The following PBX1 variants were observed in gnomAD, a reference collection of about 807,000 sequenced individuals.
PBX1 encodes the protein pre-B-cell leukemia transcription factor 1.
In PBX1, 6 loss-of-function variants were observed where a neutral mutation model predicts 53.4. That is an observed-to-expected ratio of 0.11 (90% CI 0.06 to 0.22). The LOEUF is 0.22. Among genes scored for constraint, PBX1 ranks in the 10% least tolerant of loss-of-function variants. PBX1 has a pLI of 1.00. For missense variants in PBX1, 251 were observed against 551.4 expected (o/e 0.46, Z 5.46); for synonymous variants, 204 against 212.3 (o/e 0.96, Z 0.34).
At chr1:164,736,644 C>G (rs535119904) in intron 2 of PBX1, among the ~76,000 whole-genome samples, 2 of 152,006 alleles carry the variant, frequency 1.3e-5, no homozygotes, top group East Asian at 3.9e-4. Context: ...AGGAAATGCA[C>G]CAAAAGTCAG....
chr1:164,618,452 C>T (rs2800782), intron 2 of PBX1, among the ~76,000 whole-genome samples: 116,001 of 152,046 alleles, frequency 0.76, 44,312 homozygotes, highest in East Asian at 0.93. Flanking sequence ...TTTAATTTTG[C>T]ACAGCTCCAG....
intron 2 of PBX1, among the ~76,000 whole-genome samples, chr1:164,787,976 C>T (rs941572212): frequency 8.0e-4 from 122 of 152,146 alleles, no homozygotes; most frequent in African/African-American, 2.6e-3. Context: ...TGGACGCGTC[C>T]GGGCCTGCCT....
chr1:164,643,806 C>T (rs977682666), intron 2 of PBX1, among the ~76,000 whole-genome samples: 2 of 152,100 alleles, frequency 1.3e-5, no homozygotes, highest in African/African-American at 4.8e-5. Flanking sequence ...AATTATGTAA[C>T]CAGTAAGTGG....
At chr1:164,787,073 G>A (rs572892790) in intron 2 of PBX1, among the ~76,000 whole-genome samples, 1 of 152,234 alleles carries the variant, frequency 6.6e-6, no homozygotes, top group African/African-American at 2.4e-5. Context: ...TGGGAATGAG[G>A]CGGGGAGAGC....
chr1:164,667,805 C>T (rs1660889080), intron 2 of PBX1, among the ~76,000 whole-genome samples: 2 of 152,186 alleles, frequency 1.3e-5, no homozygotes, highest in Non-Finnish European at 1.5e-5. Flanking sequence ...GAGTGAGACT[C>T]TCAGATGTGG....
rs537238536 is a variant in PBX1, at chr1:164,849,765, T to C, written c.*3089T>C. ...TGTTTTATTTTGCTATGGTGGTGATTCTTTATTTGCTGGTTGTCTTTTCTC... is the reference window on the plus strand; with the variant it reads ...TGTTTTATTTTGCTATGGTGGTGATCCTTTATTTGCTGGTTGTCTTTTCTC... On this transcript the variant is annotated 3_prime_UTR_variant, in exon 9 of 9. Coordinates refer to ENST00000420696, the MANE Select transcript of PBX1 (RefSeq NM_002585.4). 1 of 242,688 alleles carries C rather than the reference T, an allele frequency of 4.1e-6. No homozygotes were observed. The highest frequency in any genetic ancestry group is 8.0e-6 in the Non-Finnish European group (1 of 124,506). 15.0% of individuals were successfully genotyped at this position (242,688 alleles called of 1,614,324 possible).
intron 2 of PBX1, among the ~76,000 whole-genome samples, chr1:164,722,013 A>G (rs554538445): frequency 6.6e-6 from 1 of 152,302 alleles, no homozygotes; most frequent in East Asian, 1.9e-4. Context: ...CCTATATACT[A>G]CTAACATCTT....
rs184745687 is a variant in PBX1, at chr1:164,648,728, G to A, written c.265+85417G>A. On this transcript the variant is annotated intron_variant, in intron 2 of 8. Transcript: ENST00000420696. ...AGCTGCTTGCCCTTGGCGGGAGGGC[G>A]TTTGGCTTTCTTTTTCAGATAGGAG... Among the ~76,000 whole-genome samples, 35 of 152,312 alleles carry A rather than the reference G, an allele frequency of 2.3e-4. No homozygotes were observed. The East Asian group carries it at 2.9e-3, about 13-fold the overall frequency.
intron 2 of PBX1, among the ~76,000 whole-genome samples, chr1:164,703,936 C>T (rs569989865): frequency 6.6e-6 from 1 of 152,266 alleles, no homozygotes; most frequent in South Asian, 2.1e-4. Flanking sequence ...ATTTAACCAG[C>T]CCTGAATTGC....
At chr1:164,636,945 T>C (rs1658820244) in intron 2 of PBX1, among the ~76,000 whole-genome samples, 1 of 152,158 alleles carries the variant, frequency 6.6e-6, no homozygotes, top group Non-Finnish European at 1.5e-5. Flanking sequence ...GGTTTCTTAT[T>C]ACACAGCAAT....
intron 2 of PBX1, among the ~76,000 whole-genome samples, chr1:164,582,275 T>C (rs1654662822): frequency 6.6e-6 from 1 of 152,180 alleles, no homozygotes; most frequent in Non-Finnish European, 1.5e-5. Flanking sequence ...CAGATTTGAT[T>C]CTGTGCTTCC....
intron 2 of PBX1, among the ~76,000 whole-genome samples, chr1:164,875,220 G>A (rs556676997): frequency 6.6e-6 from 1 of 152,288 alleles, no homozygotes; most frequent in Admixed American, 6.5e-5. Flanking sequence ...AAAAAGCAAA[G>A]GAAGCACGAC....
intron 2 of PBX1, among the ~76,000 whole-genome samples, chr1:164,646,855 T>C (rs931326887): frequency 1.6e-4 from 25 of 152,224 alleles, no homozygotes; most frequent in Non-Finnish European, 7.3e-5. Context: ...GGGGTCAGGA[T>C]GTGTAGTGGA....
intron 2 of PBX1, among the ~76,000 whole-genome samples, chr1:164,721,381 G>C (rs1010993750): frequency 2.6e-5 from 4 of 151,828 alleles, no homozygotes; most frequent in Non-Finnish European, 4.4e-5. Flanking sequence ...TTAGGGCACT[G>C]CTCCAAATCT....
chr1:164,797,355 C>T (rs988949691), intron 3 of PBX1, among the ~76,000 whole-genome samples: 1 of 152,162 alleles, frequency 6.6e-6, no homozygotes, highest in Non-Finnish European at 1.5e-5. Context: ...GGTTGTTTCT[C>T]TAGAAAGGTG....
At chr1:164,738,195 A>G (rs1665404282) in intron 2 of PBX1, among the ~76,000 whole-genome samples, 1 of 152,174 alleles carries the variant, frequency 6.6e-6, no homozygotes, top group African/African-American at 2.4e-5. Context: ...GTTCTTAAGA[A>G]TAAAGCTACT....
At chr1:164,633,796 T>C (rs1157958059) in intron 2 of PBX1, among the ~76,000 whole-genome samples, 1 of 152,228 alleles carries the variant, frequency 6.6e-6, no homozygotes, top group African/African-American at 2.4e-5. Flanking sequence ...GGAAGGATAA[T>C]AGTAGTATCT....
intron 2 of PBX1, among the ~76,000 whole-genome samples, chr1:164,634,710 T>C (rs1160947447): frequency 6.6e-6 from 1 of 152,172 alleles, no homozygotes; most frequent in Non-Finnish European, 1.5e-5. Context: ...CCAGCATAAT[T>C]GGGCAAGGTC....
chr1:164,715,283 A>G (rs1429059435), intron 2 of PBX1, among the ~76,000 whole-genome samples: 2 of 152,232 alleles, frequency 1.3e-5, no homozygotes, highest in African/African-American at 2.4e-5. Flanking sequence ...GTGAAAAATG[A>G]TGATGATGTC....
Sources: gnomAD v4.1 joint callset for allele counts (sites outside exome capture counted in the v4.1 genomes callset) on GRCh38, gnomAD v4.1.1 for gene constraint, MANE v1.5 for transcripts, NCBI Gene and HGNC (gene_info 2026-07-23, HGNC 2026-07-21) for gene names.